BNC2: variants seen among roughly 807,000 people sequenced by gnomAD.
BNC2 encodes the protein zinc finger protein basonuclin-2.
In BNC2, 20 loss-of-function variants were observed where a neutral mutation model predicts 76.3. The observed-to-expected ratio is 0.26, with a 90% CI of 0.18 to 0.38. BNC2 has a LOEUF of 0.38. Among genes scored for constraint, BNC2 ranks in the 10% least tolerant of loss-of-function variants. The pLI is 1.00. For synonymous variants in BNC2, 582 were observed against 514.8 expected (o/e 1.13, Z -1.77); for missense variants, 1,382 against 1,399.8 (o/e 0.99, Z 0.20).
intron 5 of BNC2, among the ~76,000 whole-genome samples, chr9:16,524,866 G>T (rs1380714190): frequency 6.6e-6 from 1 of 152,128 alleles, no homozygotes; most frequent in Non-Finnish European, 1.5e-5. Context: ...TTGAGGCCAG[G>T]AGTTCAAGAC....
At chr9:16,689,163 C>CAAAAAAAA (rs58620248) in intron 3 of BNC2, among the ~76,000 whole-genome samples, 4 of 50,486 alleles carry the variant, frequency 7.9e-5, no homozygotes, top group African/African-American at 1.2e-4. Flanking sequence ...ACTGAGATCA[C>CAAAAAAAA]AAAAAAAAAA....
intron 3 of BNC2, among the ~76,000 whole-genome samples, chr9:16,589,337 C>A (rs1017284573): frequency 2.6e-5 from 4 of 151,846 alleles, no homozygotes; most frequent in Admixed American, 2.6e-4. Flanking sequence ...AGGTGCACAC[C>A]ACCACTTCTG....
chr9:16,782,583 C>G (rs1826183981), intron 1 of BNC2, among the ~76,000 whole-genome samples: 1 of 151,888 alleles, frequency 6.6e-6, no homozygotes, highest in Non-Finnish European at 1.5e-5. Flanking sequence ...TTCCTAGACC[C>G]CTTCCACTGG....
At chr9:16,861,425 T>C (rs1819408501) in intron 1 of BNC2, among the ~76,000 whole-genome samples, 1 of 152,038 alleles carries the variant, frequency 6.6e-6, no homozygotes, top group African/African-American at 2.4e-5. Context: ...ACCTTGTACC[T>C]AGCAGAGGGC....
intron 3 of BNC2, among the ~76,000 whole-genome samples, chr9:16,678,892 T>C (rs1822739947): frequency 1.3e-5 from 2 of 152,176 alleles, no homozygotes; most frequent in African/African-American, 4.8e-5. Flanking sequence ...TCGAAATCAG[T>C]GTTCACTGAT....
At chr9:16,448,686 T>C (rs1261888439) in intron 5 of BNC2, among the ~76,000 whole-genome samples, 1 of 152,164 alleles carries the variant, frequency 6.6e-6, no homozygotes, top group East Asian at 1.9e-4. Context: ...ACTGAGTGTG[T>C]GACTGAACAG....
intron 1 of BNC2, among the ~76,000 whole-genome samples, chr9:16,773,495 T>C (rs1825882054): frequency 7.3e-6 from 1 of 136,306 alleles, no homozygotes; most frequent in South Asian, 2.3e-4. Flanking sequence ...AAAAGAGGAC[T>C]ACACGTCATG....
intron 3 of BNC2, among the ~76,000 whole-genome samples, chr9:16,725,404 C>G (rs1031280019): frequency 6.6e-6 from 1 of 151,952 alleles, no homozygotes; most frequent in Non-Finnish European, 1.5e-5. Context: ...AAAATGCAAG[C>G]TCATATCCTC....
At chr9:16,485,437 T>C (rs1324372773) in intron 5 of BNC2, among the ~76,000 whole-genome samples, 2 of 152,172 alleles carry the variant, frequency 1.3e-5, no homozygotes, top group African/African-American at 2.4e-5. Context: ...ATTCTGGTTT[T>C]AGAGGCCAAA....
At chr9:16,477,913 G>C (rs975001542) in intron 5 of BNC2, among the ~76,000 whole-genome samples, 1 of 152,048 alleles carries the variant, frequency 6.6e-6, no homozygotes, top group African/African-American at 2.4e-5. Context: ...CCCCCAATTT[G>C]AACTTCTCAG....
At chr9:16,728,215 G>A (rs1824407468) in intron 2 of BNC2, 1 of 618,792 alleles carries the variant, frequency 1.6e-6, no homozygotes, top group Non-Finnish European at 2.9e-6. Flanking sequence ...TTTAACAGCT[G>A]CCTGTCAGGT....
intron 3 of BNC2, among the ~76,000 whole-genome samples, chr9:16,665,871 T>A (rs2134122588): frequency 6.6e-6 from 1 of 152,278 alleles, no homozygotes; most frequent in South Asian, 2.1e-4. Flanking sequence ...CCTCTCCTAG[T>A]AAATCATCTG....
At chr9:16,490,197 G>T (rs1454617046) in intron 5 of BNC2, among the ~76,000 whole-genome samples, 1 of 152,128 alleles carries the variant, frequency 6.6e-6, no homozygotes, top group Non-Finnish European at 1.5e-5. Context: ...GGTTTAATTG[G>T]ACTTACAGTT....
intron 5 of BNC2, among the ~76,000 whole-genome samples, chr9:16,438,857 A>G (rs886870183): frequency 1.1e-4 from 17 of 152,064 alleles, no homozygotes; most frequent in African/African-American, 3.9e-4. Context: ...CACACTAAGA[A>G]GGGCACGACA....
intron 5 of BNC2, 22 bp from the exon 6 acceptor site, chr9:16,437,546 C>T: frequency 6.2e-7 from 1 of 1,607,294 alleles, no homozygotes; most frequent in East Asian, 2.2e-5. Context: ...ATCAAAGAAA[C>T]AACAAAGACA....
intron 1 of BNC2, among the ~76,000 whole-genome samples, chr9:16,815,014 C>T (rs1347532475): frequency 1.3e-5 from 2 of 151,882 alleles, no homozygotes; most frequent in African/African-American, 4.8e-5. Flanking sequence ...GAATAAGCTA[C>T]CATGAAAAGA....
At chr9:16,427,456 A>G (rs909238932) in intron 6 of BNC2, among the ~76,000 whole-genome samples, 7 of 152,244 alleles carry the variant, frequency 4.6e-5, no homozygotes, top group Non-Finnish European at 8.8e-5. Flanking sequence ...TCTTTATTGA[A>G]GGCAATCCTT....
intron 3 of BNC2, among the ~76,000 whole-genome samples, chr9:16,720,505 A>G (rs1824124826): frequency 6.6e-6 from 1 of 152,224 alleles, no homozygotes. Flanking sequence ...CAGTAGCGAA[A>G]TAACATTACA....
intron 2 of BNC2, among the ~76,000 whole-genome samples, chr9:16,737,550 T>TTG (rs1242612422): frequency 2.0e-5 from 3 of 148,490 alleles, no homozygotes; most frequent in Non-Finnish European, 4.5e-5. Context: ...GTGCCTGGCT[T>TTG]TTTTTTTTTT....
Sources: gnomAD v4.1 joint callset for allele counts (sites outside exome capture counted in the v4.1 genomes callset) on GRCh38, gnomAD v4.1.1 for gene constraint, MANE v1.5 for transcripts, NCBI Gene and HGNC (gene_info 2026-07-23, HGNC 2026-07-21) for gene names.